SH3D19: variants seen among roughly 807,000 people sequenced by gnomAD.
The protein encoded by SH3D19 is SH3 domain-containing protein 19.
SH3D19 carries 58 observed loss-of-function variants against 112.1 expected under a neutral mutation model. The observed-to-expected ratio is 0.52, with a 90% CI of 0.42 to 0.64. The LOEUF (loss-of-function observed/expected upper bound fraction) is 0.64, where lower values mean the gene tolerates loss of function less well. SH3D19 is among the 30% of genes least tolerant of loss of function. SH3D19 has a pLI of 0.00. For synonymous variants in SH3D19, 391 were observed against 448.5 expected (o/e 0.87, Z 1.62); for missense variants, 1,090 against 1,263.4 (o/e 0.86, Z 2.08).
intron 1 of SH3D19, among the ~76,000 whole-genome samples, chr4:151,262,157 C>G (rs1422956153): frequency 2.6e-5 from 4 of 152,174 alleles, no homozygotes; most frequent in African/African-American, 9.7e-5. Flanking sequence ...GGAGCTCAGC[C>G]TTTAGGTTGT....
At chr4:151,257,633 G>A (rs775761494) in intron 1 of SH3D19, among the ~76,000 whole-genome samples, 7 of 151,974 alleles carry the variant, frequency 4.6e-5, no homozygotes, top group Non-Finnish European at 7.4e-5. Flanking sequence ...AATAGTAACC[G>A]TGGCTGGGTG....
At chr4:151,169,671 G>A (rs1175310765) in intron 7 of SH3D19, among the ~76,000 whole-genome samples, 4 of 152,054 alleles carry the variant, frequency 2.6e-5, no homozygotes, top group African/African-American at 4.8e-5. Context: ...TCATATTGGG[G>A]TACTCCAGAC....
At chr4:151,306,697 C>G (rs553941787) in intron 1 of SH3D19, among the ~76,000 whole-genome samples, 41 of 152,200 alleles carry the variant, frequency 2.7e-4, no homozygotes, top group Non-Finnish European at 5.7e-4. Flanking sequence ...AAGGTTTGTT[C>G]TAAATGCTAT....
At chr4:151,274,553 G>T (rs1409663264) in intron 1 of SH3D19, among the ~76,000 whole-genome samples, 2 of 152,346 alleles carry the variant, frequency 1.3e-5, no homozygotes, top group East Asian at 3.9e-4. Flanking sequence ...AGGACAGAAA[G>T]AAATGACATG....
rs1489752895 is a variant in SH3D19 at position 151,128,157 on chromosome 4, G to T, written c.2929+13C>A. 3 of 1,582,666 alleles carry T rather than the reference G, an allele frequency of 1.9e-6. No homozygotes were observed. The highest frequency in any genetic ancestry group is 2.6e-6 in the Non-Finnish European group (3 of 1,164,662). On this transcript the variant is annotated intron_variant, in intron 18 of 19. Coordinates refer to ENST00000604030, the MANE Select transcript of SH3D19 (RefSeq NM_001378122.1). Reference sequence around the variant, plus strand: ...CCGTGAGGAGTCGCATTCATGTCTTGCGGTTGTCATACCTGGGCAGGGCCT... The same window carrying T: ...CCGTGAGGAGTCGCATTCATGTCTTTCGGTTGTCATACCTGGGCAGGGCCT...
intron 8 of SH3D19, among the ~76,000 whole-genome samples, chr4:151,160,969 C>T (rs888779271): frequency 6.6e-6 from 1 of 152,002 alleles, no homozygotes; most frequent in Non-Finnish European, 1.5e-5. Context: ...CTTATTCTTA[C>T]AAGGAAATAG....
chr4:151,215,834 T>C (rs1390594699), intron 2 of SH3D19, among the ~76,000 whole-genome samples: 1 of 146,940 alleles, frequency 6.8e-6, no homozygotes, highest in African/African-American at 2.5e-5. Flanking sequence ...GGTTTTACCT[T>C]TTTTTTTTTT....
chr4:151,263,318 G>T (rs1470286532), intron 1 of SH3D19, among the ~76,000 whole-genome samples: 2 of 152,190 alleles, frequency 1.3e-5, no homozygotes, highest in African/African-American at 4.8e-5. Flanking sequence ...GGGTCCAGAG[G>T]TTAGTTTGCC....
intron 1 of SH3D19, among the ~76,000 whole-genome samples, chr4:151,282,577 T>C (rs1482725742): frequency 6.6e-6 from 1 of 152,200 alleles, no homozygotes; most frequent in Non-Finnish European, 1.5e-5. Context: ...TTTTTTGACA[T>C]TTATATTTTT....
At chr4:151,122,917 T>G (rs893781696) in intron 19 of SH3D19, among the ~76,000 whole-genome samples, 2 of 144,162 alleles carry the variant, frequency 1.4e-5, no homozygotes, top group African/African-American at 2.5e-5. Flanking sequence ...AATGGTGCAA[T>G]CTCGGCTCAC....
rs373091165 is a variant in SH3D19 at position 151,175,380 on chromosome 4, G to A, written c.824C>T (p.Ser275Leu). 1.2e-4 allele frequency: 196 copies of A among 1,592,198 alleles called. No individual in the cohort carries two copies. The highest frequency in any genetic ancestry group is 1.6e-4 in the Non-Finnish European group (185 of 1,169,262). ...AATGTTCATCACTGCCTGACTGTCT[G>A]AGGTGCTAGCGTTGTCCAGCAGAGA... ...PQSLLDNASTSDSQAVMNIMN... is the reference protein window; with the variant it reads ...PQSLLDNASTLDSQAVMNIMN... The change falls in exon 7 of 20, where the codon TCA becomes TTA. Residue 275 changes from serine to leucine, a missense_variant. By Grantham distance (145) the Ser-to-Leu change is moderately radical (BLOSUM62 -2). Transcript: ENST00000604030.
intron 1 of SH3D19, among the ~76,000 whole-genome samples, chr4:151,290,445 G>A (rs1048884090): frequency 2.6e-5 from 4 of 152,170 alleles, no homozygotes; most frequent in African/African-American, 9.7e-5. Context: ...CAAAAGGTCA[G>A]ATATTACATG....
At chr4:151,224,685 A>C (rs991048239) in intron 2 of SH3D19, among the ~76,000 whole-genome samples, 8 of 152,258 alleles carry the variant, frequency 5.3e-5, no homozygotes, top group African/African-American at 1.9e-4. Flanking sequence ...GCATGCTGTC[A>C]AAGTCCTTTC....
At chr4:151,173,903 A>G (rs1232516513) in intron 7 of SH3D19, among the ~76,000 whole-genome samples, 1 of 152,264 alleles carries the variant, frequency 6.6e-6, no homozygotes, top group Non-Finnish European at 1.5e-5. Flanking sequence ...AATGACAAGT[A>G]GAGCAGCTTA....
intron 1 of SH3D19, among the ~76,000 whole-genome samples, chr4:151,315,206 T>C (rs1729873817): frequency 6.6e-6 from 1 of 152,056 alleles, no homozygotes; most frequent in African/African-American, 2.4e-5. Context: ...ATCTGTTAAA[T>C]GAAGGAAACA....
chr4:151,159,364 A>G lies in SH3D19; in HGVS notation c.1643-12T>C. 1 of 1,431,338 alleles carries G rather than the reference A, an allele frequency of 7.0e-7. No individual in the cohort carries two copies. Among genetic ancestry groups the G allele is most frequent in the Non-Finnish European group, 9.6e-7 (1 of 1,041,726 alleles). 88.7% of individuals were successfully genotyped at this position (1,431,338 alleles called of 1,614,324 possible). On this transcript the variant is annotated splice_polypyrimidine_tract_variant and intron_variant, in intron 8 of 19. Coordinates refer to ENST00000604030, the MANE Select transcript of SH3D19 (RefSeq NM_001378122.1). ...ATCCTCATGTAAACCTGGAAAAAGT[A>G]GCAGTAATTCATCAATAATTTCTAG...
Position 151,286,030 on chromosome 4 carries a change from T to TA in SH3D19, c.112+39210dup, listed in dbSNP as rs771668211. On this transcript the variant is annotated intron_variant, in intron 1 of 19. Coordinates refer to ENST00000604030, the MANE Select transcript of SH3D19 (RefSeq NM_001378122.1). ...GAGCAATACAGTGAGACCCTATCTC[T>TA]AAAAAAAAAAAAAAAATCAGCCAGG... 8.0e-3 allele frequency among the ~76,000 whole-genome samples: 1,030 copies of TA among 128,814 alleles called. 7 individuals carry two copies. The highest frequency in any genetic ancestry group is 0.023 in the African/African-American group (794 of 34,932). 84.5% of individuals were successfully genotyped at this position (128,814 alleles called of 152,430 possible).
intron 2 of SH3D19, among the ~76,000 whole-genome samples, chr4:151,193,266 G>GTT (rs1357029944): frequency 6.9e-5 from 10 of 145,666 alleles, no homozygotes; most frequent in African/African-American, 1.8e-4. Flanking sequence ...TTTAAAATAG[G>GTT]TTTGTTTTTT....
intron 7 of SH3D19, among the ~76,000 whole-genome samples, chr4:151,171,302 C>CA (rs1759005335): frequency 6.6e-6 from 1 of 151,582 alleles, no homozygotes; most frequent in South Asian, 2.1e-4. Context: ...GTCAGATTCT[C>CA]AGAGTTTGGT....
Sources: gnomAD v4.1 joint callset for allele counts (sites outside exome capture counted in the v4.1 genomes callset) on GRCh38, gnomAD v4.1.1 for gene constraint, MANE v1.5 for transcripts, NCBI Gene and HGNC (gene_info 2026-07-23, HGNC 2026-07-21) for gene names.